NELFCD: variants seen among roughly 807,000 people sequenced by gnomAD.
The protein encoded by NELFCD is negative elongation factor C/D.
Under a neutral mutation model 72.9 loss-of-function variants are expected in NELFCD, and 48 were observed. The ratio of observed to expected loss-of-function variants is 0.66; its 90% confidence interval spans 0.52 to 0.84. The LOEUF (loss-of-function observed/expected upper bound fraction) is 0.84, where lower values mean the gene tolerates loss of function less well. Ranked by LOEUF, NELFCD falls within the 40% of genes least tolerant of loss-of-function variation. The pLI is 0.00. For synonymous variants in NELFCD, 297 were observed against 280.6 expected (o/e 1.06, Z -0.59); for missense variants, 538 against 723.8 (o/e 0.74, Z 2.94).
In NELFCD at chr20:58,991,035, T is replaced by TC; in HGVS notation, c.915dup (p.Lys306GlnfsTer12). The TC allele has an allele frequency of 6.2e-7, 1 of 1,614,184 alleles. No individual in the cohort carries two copies. Among genetic ancestry groups the TC allele is most frequent in the Non-Finnish European group, 8.5e-7 (1 of 1,180,026 alleles). ...AACCCTGCTGACATCACCGTCCTGT[T>TC]CAAGATGTTCACAAGCATGGACCCT... On this transcript the variant is annotated frameshift_variant, in exon 8 of 15. Coordinates refer to ENST00000652272, the MANE Select transcript of NELFCD (RefSeq NM_198976.4). LOFTEE classifies it high-confidence loss of function.
intron 10 of NELFCD, among the ~76,000 whole-genome samples, chr20:58,992,488 A>G (rs184673): frequency 0.83 from 125,793 of 152,236 alleles, 52,148 homozygotes; most frequent in East Asian, 0.87. Flanking sequence ...ACTGAGTATC[A>G]CTCATTAATG....
At position 58,986,290 on chromosome 20, in the gene NELFCD, G is replaced by A; in HGVS notation, c.176+82G>A. ...TTGTAATACACCCAGAAGGTGCTAT[G>A]TAAAGCAAGAGTAACGCGAACTGAA... On this transcript the variant is annotated intron_variant, in intron 2 of 14. Transcript: ENST00000652272. This position sits in a 1 kb window ranked among gnomAD's most constrained non-coding sequence, Gnocchi z 4.4. 2.2e-6 allele frequency: 2 copies of A among 918,278 alleles called. No individual in the cohort carries two copies. Among genetic ancestry groups the A allele is most frequent in the Non-Finnish European group, 3.6e-6 (2 of 558,708 alleles). 56.9% of individuals were successfully genotyped at this position (918,278 alleles called of 1,614,324 possible). A position where few individuals can be genotyped will look rare whatever the true frequency, so the allele number is the denominator to read the frequency against.
Position 58,986,867 on chromosome 20 carries a change from C to T in NELFCD, c.286+4C>T. 1 of 1,603,730 alleles carries T rather than the reference C, an allele frequency of 6.2e-7. No homozygotes were observed. The highest frequency in any genetic ancestry group is 8.5e-7 in the Non-Finnish European group (1 of 1,170,930). ...GCCGAGTGGCTCATTCAGACAGGTG[C>T]TTTGTGGGTGTCCCCTGTCCTGGCT... On this transcript the variant is annotated splice_donor_region_variant and intron_variant, in intron 3 of 14. Coordinates refer to ENST00000652272, the MANE Select transcript of NELFCD (RefSeq NM_198976.4). This position sits in a 1 kb window ranked among gnomAD's most constrained non-coding sequence, Gnocchi z 4.4.
chr20:58,992,097 A>G (rs1601217775), intron 10 of NELFCD, 77 bp downstream of exon 10: 5 of 1,436,306 alleles, frequency 3.5e-6, no homozygotes, highest in Admixed American at 4.4e-5. Context: ...TGAAAGCTCA[A>G]ATAACAAAAG....
chr20:58,990,191 GT>G, intron 7 of NELFCD: 1 of 596,532 alleles, frequency 1.7e-6, no homozygotes, highest in Non-Finnish European at 2.9e-6. Flanking sequence ...AAGGTCAGGA[GT>G]TTGAGACCAG....
chr20:58,987,775 T>G lies in NELFCD; in HGVS notation c.354T>G (p.Phe118Leu). 4 of 1,614,238 alleles carry G rather than the reference T, an allele frequency of 2.5e-6. No homozygotes were observed. The highest frequency in any genetic ancestry group is 3.4e-6 in the Non-Finnish European group (4 of 1,180,030). ...TGAAGAGTTTGCTGATCAAACATTT[T>G]GACCCCCGCAAAGCAGATTCTATTT... Reference protein sequence around the residue: ...NHLKSLLIKHFDPRKADSIFT... With the variant: ...NHLKSLLIKHLDPRKADSIFT... The change falls in exon 4 of 15, where the codon TTT becomes TTG. Residue 118 changes from phenylalanine (F) to leucine (L), a missense_variant. By Grantham distance (22) the Phe-to-Leu change is conservative. Coordinates refer to ENST00000652272, the MANE Select transcript of NELFCD (RefSeq NM_198976.4).
Position 58,989,565 on chromosome 20 carries a change from A to C in NELFCD, c.582A>C (p.Arg194Ser). ...TACQQLEVFS[R>S]VLRTSLATIL... ...GCCAGCAGCTAGAAGTGTTCTCGAGAGTGCTCCGGACCTCTCTAGCTACAA... is the reference window on the plus strand; with the variant it reads ...GCCAGCAGCTAGAAGTGTTCTCGAGCGTGCTCCGGACCTCTCTAGCTACAA... The change falls in exon 6 of 15, where the codon AGA (arginine) becomes AGC (serine). Residue 194 changes from arginine (R) to serine (S), a missense_variant. By Grantham distance (110) the Arg-to-Ser change is moderately radical (BLOSUM62 -1). Transcript: ENST00000652272. 6.2e-7 allele frequency: 1 copy of C among 1,614,178 alleles called. No individual in the cohort carries two copies. Among genetic ancestry groups the C allele is most frequent in the Non-Finnish European group, 8.5e-7 (1 of 1,180,032 alleles).
At chr20:58,982,282 G>A (rs1322924019) in intron 1 of NELFCD, among the ~76,000 whole-genome samples, 1 of 147,380 alleles carries the variant, frequency 6.8e-6, no homozygotes, top group African/African-American at 2.5e-5. Context: ...TCAGCCTCCC[G>A]AATAGCTGGG....
chr20:58,989,456 C>T, intron 5 of NELFCD, 32 bp from the exon 6 acceptor site: 1 of 1,610,308 alleles, frequency 6.2e-7, no homozygotes, highest in Non-Finnish European at 8.5e-7. Flanking sequence ...TCACTGCATG[C>T]CTCCCCTCTG....
chr20:58,988,902 G>A lies in NELFCD; in HGVS notation c.397-12G>A. 1.2e-6 allele frequency: 2 copies of A among 1,603,638 alleles called. No individual in the cohort carries two copies. Among genetic ancestry groups the A allele is most frequent in the Non-Finnish European group, 1.7e-6 (2 of 1,170,508 alleles). ...CCTCCTCCTATCTTGCTGTTTGTGT[G>A]TGTGTTGGCAGACCCCAGCGTGGCT... On this transcript the variant is annotated splice_polypyrimidine_tract_variant and intron_variant, in intron 4 of 14. Transcript: ENST00000652272.
Position 58,993,214 on chromosome 20 carries a change from T to A in NELFCD, c.1344+102T>A. 1 of 950,456 alleles carries A rather than the reference T, an allele frequency of 1.1e-6. No homozygotes were observed. The highest frequency in any genetic ancestry group is 1.7e-6 in the Non-Finnish European group (1 of 602,720). 58.9% of individuals were successfully genotyped at this position (950,456 alleles called of 1,614,324 possible). A position where few individuals can be genotyped will look rare whatever the true frequency, so the allele number is the denominator to read the frequency against. On this transcript the variant is annotated intron_variant, in intron 11 of 14. Coordinates refer to ENST00000652272, the MANE Select transcript of NELFCD (RefSeq NM_198976.4). The surrounding 1 kb of genome is among the most constrained non-coding windows in gnomAD (Gnocchi z 5.0). The stretch of plus-strand genomic sequence containing the variant: ...TATTCAGTGAGTTTAGAGGATACTC[T>A]TCTCAAAAATAGTTATTTCTGTCCT...
chr20:58,984,978 T>A (rs929382993), intron 1 of NELFCD, among the ~76,000 whole-genome samples: 1 of 152,224 alleles, frequency 6.6e-6, no homozygotes, highest in African/African-American at 2.4e-5. Flanking sequence ...TGGGAAGTCA[T>A]CGGGTTCTGT....
In NELFCD at chr20:58,981,298, C is replaced by G. The variant is rs1264360047; in HGVS notation, c.-12C>G. On this transcript the variant is annotated 5_prime_UTR_variant, in exon 1 of 15. Coordinates refer to ENST00000652272, the MANE Select transcript of NELFCD (RefSeq NM_198976.4). ...GCGGGAGGGCATGGCGGGGGCCGTG[C>G]CGGGCGCCATCATGGACGAGGACTA... 1 of 1,073,966 alleles carries G rather than the reference C, an allele frequency of 9.3e-7. No individual in the cohort carries two copies. Among genetic ancestry groups the G allele is most frequent in the Non-Finnish European group, 1.1e-6 (1 of 885,204 alleles). The allele number at this position is 1,073,966 out of a possible 1,614,324, so 66.5% of individuals were successfully genotyped here. A position where few individuals can be genotyped will look rare whatever the true frequency, so the allele number is the denominator to read the frequency against.
chr20:58,991,275 G>A lies in NELFCD; in HGVS notation c.955-37G>A, dbSNP rs369280600. ...GGAGGTGGGTGAGCAGTGCCCTCAC[G>A]CCTGCCATCCCGAACTGGGCATATG... On this transcript the variant is annotated intron_variant, in intron 8 of 14. Transcript: ENST00000652272. 5.1e-4 allele frequency: 816 copies of A among 1,613,210 alleles called. 5 individuals carry two copies. The highest frequency in any genetic ancestry group is 5.0e-3 in the South Asian group (453 of 91,036).
chr20:58,982,345 A>G (rs2091741319), intron 1 of NELFCD, among the ~76,000 whole-genome samples: 1 of 151,762 alleles, frequency 6.6e-6, no homozygotes, highest in Admixed American at 6.6e-5. Flanking sequence ...TTGAGTAGAG[A>G]GGGGGTTTCA....
chr20:58,993,316 G>T lies in NELFCD; in HGVS notation c.1345-133G>T, dbSNP rs2091830929. The T allele has an allele frequency of 3.3e-6, 3 of 901,626 alleles. No homozygotes were observed. Among genetic ancestry groups the T allele is most frequent in the African/African-American group, 1.7e-5 (1 of 59,864 alleles). 55.9% of individuals were successfully genotyped at this position (901,626 alleles called of 1,614,324 possible). ...CCTCAGTCAAGTGTTACTGGAAGCT[G>T]ATGGCCCTGGCTTAGGTGTCAGGAC... On this transcript the variant is annotated intron_variant, in intron 11 of 14. Coordinates refer to ENST00000652272, the MANE Select transcript of NELFCD (RefSeq NM_198976.4). The surrounding 1 kb of genome is among the most constrained non-coding windows in gnomAD (Gnocchi z 5.0).
intron 1 of NELFCD, among the ~76,000 whole-genome samples, chr20:58,984,258 C>G (rs562434115): frequency 3.3e-5 from 5 of 152,206 alleles, no homozygotes; most frequent in Admixed American, 3.3e-4. Context: ...AGGGCACGCT[C>G]TTGCTAGAGC....
intron 4 of NELFCD, chr20:58,988,056 C>T (rs977859781): frequency 3.0e-5 from 15 of 502,754 alleles, no homozygotes; most frequent in Non-Finnish European, 5.3e-5. Context: ...CAGCAAGTTC[C>T]CACCATTTCC....
Position 58,994,184 on chromosome 20 carries a change from C to T in NELFCD, c.1656C>T (p.Ser552=). Residue 552 remains serine (S), a synonymous_variant, in exon 14 of 15, where the codon AGC becomes AGT. Transcript: ENST00000652272. ...TCCTCCCCATCCTGGAGAATGACAG[C>T]ATCGCAGGTACCATCAAAACGGAAG... ...QLFLPILEND[S]IAGTIKTEGE... 9 of 1,614,180 alleles carry T rather than the reference C, an allele frequency of 5.6e-6. No homozygotes were observed. Among genetic ancestry groups the T allele is most frequent in the Non-Finnish European group, 7.6e-6 (9 of 1,180,018 alleles).
Sources: allele counts gnomAD v4.1 joint callset (sites outside exome capture counted in the v4.1 genomes callset), GRCh38; gene constraint gnomAD v4.1.1; non-coding constraint Gnocchi (gnomAD v3.1); transcripts MANE v1.5; gene names NCBI Gene and HGNC (gene_info 2026-07-23, HGNC 2026-07-21).